The following EYS variants were observed in gnomAD, a reference collection of about 807,000 sequenced individuals.
EYS encodes protein eyes shut homolog.
In EYS, 250 loss-of-function variants were observed where a neutral mutation model predicts 282.1. The observed-to-expected ratio is 0.89, with a 90% CI of 0.80 to 0.98. The LOEUF is 0.98. EYS is among the 50% of genes least tolerant of loss of function. EYS has a pLI of 0.00. For synonymous variants in EYS, 1,355 were observed against 1,282.9 expected, an observed-to-expected ratio of 1.06 and a Z score of -1.20; for missense variants, 4,016 against 3,709.0, an observed-to-expected ratio of 1.08 and a Z score of -2.15.
chr6:65,074,309 G>C (rs531559324), intron 12 of EYS, among the ~76,000 whole-genome samples: 1 of 151,874 alleles, frequency 6.6e-6, no homozygotes, highest in African/African-American at 2.4e-5. Flanking sequence ...GTCATAGCAG[G>C]TACAGCACTG....
intron 35 of EYS, among the ~76,000 whole-genome samples, chr6:63,926,012 A>AC (rs1764707228): frequency 1.4e-5 from 2 of 146,822 alleles, no homozygotes; most frequent in South Asian, 2.2e-4. Flanking sequence ...CCCTGGGCCC[A>AC]CCCCCCGATG....
chr6:64,754,992 A>G (rs1426046285), intron 22 of EYS, among the ~76,000 whole-genome samples: 2 of 152,140 alleles, frequency 1.3e-5, no homozygotes, highest in African/African-American at 4.8e-5. Flanking sequence ...GGAACCGAGG[A>G]AGTCAAATTA....
intron 24 of EYS, 70 bp from the exon 25 acceptor site, chr6:64,593,379 G>A: frequency 8.0e-7 from 1 of 1,255,962 alleles, no homozygotes; most frequent in African/African-American, 1.5e-5. Context: ...TGTAAAGTTT[G>A]TTTTGAGATC....
At chr6:65,095,056 C>T (rs1248608080) in intron 12 of EYS, among the ~76,000 whole-genome samples, 1 of 151,208 alleles carries the variant, frequency 6.6e-6, no homozygotes, top group Non-Finnish European at 1.5e-5. Flanking sequence ...CTACTATTGG[C>T]AATTCCTCAC....
chr6:64,391,706 A>G (rs1185768967), intron 28 of EYS, among the ~76,000 whole-genome samples: 2 of 152,102 alleles, frequency 1.3e-5, no homozygotes, highest in Non-Finnish European at 2.9e-5. Flanking sequence ...ACTAGGAAGA[A>G]ACTGCATCAA....
At chr6:65,697,354 T>C (rs1042683657) in intron 1 of EYS, among the ~76,000 whole-genome samples, 3 of 152,228 alleles carry the variant, frequency 2.0e-5, no homozygotes, top group East Asian at 3.9e-4. Flanking sequence ...ATTAAGTGTT[T>C]ACTGCAGGCA....
At chr6:63,729,022 C>T (rs112148019) in intron 41 of EYS, among the ~76,000 whole-genome samples, 2 of 151,910 alleles carry the variant, frequency 1.3e-5, no homozygotes, top group African/African-American at 4.8e-5. Flanking sequence ...TTTAGCTATT[C>T]GAAAAAGTAT....
At chr6:65,575,572 C>T (rs147540207) in intron 2 of EYS, among the ~76,000 whole-genome samples, 5 of 151,512 alleles carry the variant, frequency 3.3e-5, no homozygotes, top group Non-Finnish European at 5.9e-5. Flanking sequence ...AAGTTTGTAG[C>T]ATGAATGATA....
Position 63,721,170 on chromosome 6 carries a change from A to T in EYS, c.8861T>A (p.Phe2954Tyr), listed in dbSNP as rs755879622. ...ATTACCCATAAATTTTGCAGTTGAA[A>T]ATGAAGTTTTGTTTTCACAATACCT... Reference protein sequence around the residue: ...VGRYCENKTSFSTAKFMGNSY... With the variant: ...VGRYCENKTSYSTAKFMGNSY... Residue 2954 changes from phenylalanine to tyrosine, a missense_variant, in exon 43 of 43, where the codon TTT (phenylalanine) becomes TAT (tyrosine). By Grantham distance (22) the Phe-to-Tyr change is conservative. Transcript: ENST00000503581. 21 of 1,551,524 alleles carry T rather than the reference A, an allele frequency of 1.4e-5. No homozygotes were observed. The highest frequency in any genetic ancestry group is 1.2e-5 in the South Asian group (1 of 84,064).
At chr6:63,784,365 C>T (rs1307097083) in intron 39 of EYS, among the ~76,000 whole-genome samples, 2 of 151,998 alleles carry the variant, frequency 1.3e-5, no homozygotes, top group Non-Finnish European at 1.5e-5. Context: ...TCAGTGGAAG[C>T]GAGTTAAGTA....
At chr6:64,932,822 A>G (rs113072277) in intron 15 of EYS, among the ~76,000 whole-genome samples, 2 of 152,022 alleles carry the variant, frequency 1.3e-5, no homozygotes, top group Non-Finnish European at 2.9e-5. Context: ...CTGACCACTA[A>G]GTTAATCAAG....
At chr6:65,392,184 A>G (rs1367369230) in intron 7 of EYS, among the ~76,000 whole-genome samples, 2 of 151,942 alleles carry the variant, frequency 1.3e-5, no homozygotes, top group Non-Finnish European at 2.9e-5. Context: ...GATGGATTAA[A>G]GACTTAAACG....
intron 13 of EYS, among the ~76,000 whole-genome samples, chr6:65,003,648 C>T (rs1416512388): frequency 6.8e-6 from 1 of 147,146 alleles, no homozygotes; most frequent in African/African-American, 2.4e-5. Flanking sequence ...TGGGATGTCT[C>T]CCCCGGATGC....
intron 19 of EYS, among the ~76,000 whole-genome samples, chr6:64,833,997 T>G (rs1196223858): frequency 6.6e-6 from 1 of 151,858 alleles, no homozygotes; most frequent in Non-Finnish European, 1.5e-5. Flanking sequence ...ACCAGGGCCT[T>G]GATGAAATTT....
chr6:64,422,376 A>G (rs1202423937), intron 28 of EYS, among the ~76,000 whole-genome samples: 1 of 152,178 alleles, frequency 6.6e-6, no homozygotes, highest in Non-Finnish European at 1.5e-5. Context: ...CTCTTGGAAT[A>G]TGGATAAGCA....
intron 2 of EYS, among the ~76,000 whole-genome samples, chr6:65,596,546 G>A (rs1257498436): frequency 6.6e-6 from 1 of 151,930 alleles, no homozygotes; most frequent in Non-Finnish European, 1.5e-5. Flanking sequence ...ATGAAAGACA[G>A]GAGCAGGCAC....
At chr6:65,247,711 A>G (rs1202792959) in intron 12 of EYS, among the ~76,000 whole-genome samples, 2 of 152,108 alleles carry the variant, frequency 1.3e-5, no homozygotes, top group African/African-American at 4.8e-5. Context: ...ATTAGAATGC[A>G]TTACATTTCT....
chr6:65,118,053 G>GT (rs1321383301), intron 12 of EYS, among the ~76,000 whole-genome samples: 1 of 152,190 alleles, frequency 6.6e-6, no homozygotes, highest in Non-Finnish European at 1.5e-5. Context: ...GATTGTGGTT[G>GT]TTGGTGATTT....
At chr6:63,750,664 A>G (rs1769321051) in intron 41 of EYS, among the ~76,000 whole-genome samples, 1 of 152,204 alleles carries the variant, frequency 6.6e-6, no homozygotes, top group East Asian at 1.9e-4. Context: ...GAGAACTCAT[A>G]TAGAGGATTC....
Sources: gnomAD v4.1 joint callset for allele counts (sites outside exome capture counted in the v4.1 genomes callset) on GRCh38, gnomAD v4.1.1 for gene constraint, MANE v1.5 for transcripts, NCBI Gene and HGNC (gene_info 2026-07-23, HGNC 2026-07-21) for gene names.